Variants in UBE2L3 observed in about 807,000 individuals in gnomAD.
The protein encoded by UBE2L3 is ubiquitin conjugating enzyme E2 L3, also known as ubiquitin-conjugating enzyme E2 L3.
Under a neutral mutation model 17.8 loss-of-function variants are expected in UBE2L3, and 1 was observed. That is an observed-to-expected ratio of 0.06 (90% CI 0.02 to 0.27). The LOEUF is 0.27. Among genes scored for constraint, UBE2L3 ranks in the 10% least tolerant of loss-of-function variants. The pLI, the probability that UBE2L3 is intolerant of heterozygous loss-of-function variation, is 1.00. For synonymous variants in UBE2L3, 44 were observed against 68.5 expected, an observed-to-expected ratio of 0.64 and a Z score of 1.76; for missense variants, 40 against 192.6, an observed-to-expected ratio of 0.21 and a Z score of 4.69.
At chr22:21,605,496 CT>C (rs761564585) in intron 2 of UBE2L3, among the ~76,000 whole-genome samples, 1 of 151,830 alleles carries the variant, frequency 6.6e-6, no homozygotes, top group Non-Finnish European at 1.5e-5. Context: ...GATAGGGTTT[CT>C]TTTTTTTCTT....
intron 1 of UBE2L3, among the ~76,000 whole-genome samples, chr22:21,562,165 G>A (rs1470055670): frequency 2.7e-5 from 4 of 150,588 alleles, no homozygotes; most frequent in African/African-American, 7.3e-5. Context: ...GCTCCTTGGG[G>A]GCAGGTGGTG....
chr22:21,601,888 C>T (rs1269533682), intron 2 of UBE2L3, among the ~76,000 whole-genome samples: 3 of 149,696 alleles, frequency 2.0e-5, no homozygotes, highest in Non-Finnish European at 3.0e-5. Context: ...AGGAGAATGG[C>T]GTGAACCCGG....
intron 2 of UBE2L3, among the ~76,000 whole-genome samples, chr22:21,600,331 AAAAC>A (rs1370153257): frequency 6.6e-6 from 1 of 152,054 alleles, no homozygotes; most frequent in African/African-American, 2.4e-5. Flanking sequence ...AAAACAAAAC[AAAAC>A]AAACAAAAAA....
At chr22:21,585,989 G>A (rs1210537517) in intron 1 of UBE2L3, among the ~76,000 whole-genome samples, 1 of 152,100 alleles carries the variant, frequency 6.6e-6, no homozygotes, top group African/African-American at 2.4e-5. Flanking sequence ...AGGCTGGAGT[G>A]TAGTGGCACC....
Position 21,612,643 on chromosome 22 carries a change from C to CTTTTTTTTTTTTTTTTTTTTTTTT in UBE2L3, c.310+1605_310+1628dup, listed in dbSNP as rs57678378. ...CCCAGCCGATTTTTTCTTTTCTTTT[C>CTTTTTTTTTTTTTTTTTTTTTTTT]TTTTTTTTTTTTTTTTTTTTTTTTT... On this transcript the variant is annotated intron_variant, in intron 3 of 3. Coordinates refer to ENST00000342192, the MANE Select transcript of UBE2L3 (RefSeq NM_003347.4). Among the ~76,000 whole-genome samples, 42 of 52,492 alleles carry CTTTTTTTTTTTTTTTTTTTTTTTT rather than the reference C, an allele frequency of 8.0e-4. 7 individuals are homozygous for CTTTTTTTTTTTTTTTTTTTTTTTT. Among genetic ancestry groups the CTTTTTTTTTTTTTTTTTTTTTTTT allele is most frequent in the Admixed American group, 1.8e-3 (6 of 3,360 alleles). The allele number at this position is 52,492 out of a possible 152,430, so 34.4% of individuals were successfully genotyped here. A position where few individuals can be genotyped will look rare whatever the true frequency, so the allele number is the denominator to read the frequency against.
upstream of UBE2L3, among the ~76,000 whole-genome samples, chr22:21,564,129 G>A (rs4820078): frequency 0.011 from 1,600 of 149,744 alleles, 97 homozygotes; most frequent in Admixed American, 0.095. Flanking sequence ...TCACTCTCCC[G>A]GGCCCAAGTG....
At chr22:21,557,853 T>C (rs1306042559) in intron 1 of UBE2L3, among the ~76,000 whole-genome samples, 1 of 152,234 alleles carries the variant, frequency 6.6e-6, no homozygotes, top group African/African-American at 2.4e-5. Context: ...ATTTATCAGA[T>C]TCGAAGAAGT....
chr22:21,607,265 G>C (rs534597492), intron 2 of UBE2L3, among the ~76,000 whole-genome samples: 1 of 152,104 alleles, frequency 6.6e-6, no homozygotes, highest in East Asian at 1.9e-4. Context: ...CCAACACTTT[G>C]GGAGGCCGAG....
chr22:21,612,983 T>C (rs1929583581), intron 3 of UBE2L3, among the ~76,000 whole-genome samples: 1 of 152,170 alleles, frequency 6.6e-6, no homozygotes. Flanking sequence ...CGAAAACCTA[T>C]AGCTGCATTT....
intron 3 of UBE2L3, among the ~76,000 whole-genome samples, chr22:21,619,472 C>T (rs961891195): frequency 5.9e-5 from 9 of 152,280 alleles, no homozygotes; most frequent in Middle Eastern, 3.4e-3. Context: ...GCATTGCATG[C>T]GCAATGCCCT....
chr22:21,580,071 T>C (rs1927539541), intron 1 of UBE2L3, among the ~76,000 whole-genome samples: 1 of 152,292 alleles, frequency 6.6e-6, no homozygotes, highest in Middle Eastern at 3.4e-3. Context: ...GATGTAAATA[T>C]TGGTCAATAC....
chr22:21,615,817 G>A (rs1301452138), intron 3 of UBE2L3, among the ~76,000 whole-genome samples: 2 of 152,196 alleles, frequency 1.3e-5, no homozygotes, highest in Non-Finnish European at 2.9e-5. Context: ...GTTGAACAGT[G>A]CGATGCCCTG....
At chr22:21,595,968 C>G (rs953770865) in intron 2 of UBE2L3, among the ~76,000 whole-genome samples, 1 of 151,950 alleles carries the variant, frequency 6.6e-6, no homozygotes, top group Admixed American at 6.6e-5. Flanking sequence ...CGGGTTCAAG[C>G]GATTCTCCTG....
At chr22:21,568,308 T>G (rs763132404) in intron 1 of UBE2L3, 345 of 985,604 alleles carry the variant, frequency 3.5e-4, no homozygotes, top group Non-Finnish European at 4.0e-4. Context: ...GTCAGTTTGT[T>G]GGTGGGTCGT....
At chr22:21,562,975 G>T (rs576151952), upstream of UBE2L3, among the ~76,000 whole-genome samples, 1 of 151,812 alleles carries the variant, frequency 6.6e-6, no homozygotes, top group Non-Finnish European at 1.5e-5. Context: ...CAGGCATGGC[G>T]GCTCACGCCT....
rs1345473321 is a variant in UBE2L3, at chr22:21,623,167, A to C, written c.*1498A>C. 1 of 152,220 alleles carries C rather than the reference A, an allele frequency of 6.6e-6. No homozygotes were observed. Among genetic ancestry groups the C allele is most frequent in the African/African-American group, 2.4e-5 (1 of 41,370 alleles). 9.4% of individuals were successfully genotyped at this position (152,220 alleles called of 1,614,324 possible). ...AACTTTGCTTTTTGTTTTAATTTTA[A>C]TTCTATAACTTGAGATCTTTCCGGG... On this transcript the variant is annotated 3_prime_UTR_variant, in exon 4 of 4. Coordinates refer to ENST00000342192, the MANE Select transcript of UBE2L3 (RefSeq NM_003347.4).
chr22:21,579,082 C>G (rs1927484195), intron 1 of UBE2L3, among the ~76,000 whole-genome samples: 1 of 150,906 alleles, frequency 6.6e-6, no homozygotes, highest in African/African-American at 2.4e-5. Context: ...CCTCTGCCTA[C>G]CAGGTTCACG....
intron 2 of UBE2L3, among the ~76,000 whole-genome samples, chr22:21,598,283 T>G (rs1461679860): frequency 4.0e-5 from 6 of 151,420 alleles, no homozygotes; most frequent in Non-Finnish European, 8.8e-5. Flanking sequence ...CCTTAAAATA[T>G]CCAGTTAGAT....
At chr22:21,587,526 G>T (rs767035858) in intron 1 of UBE2L3, among the ~76,000 whole-genome samples, 14 of 152,184 alleles carry the variant, frequency 9.2e-5, no homozygotes, top group Non-Finnish European at 1.8e-4. Context: ...ACCTGGCCTT[G>T]TGTGAGGGTT....
Sources: gnomAD v4.1 joint callset for allele counts (sites outside exome capture counted in the v4.1 genomes callset) on GRCh38, gnomAD v4.1.1 for gene constraint, MANE v1.5 for transcripts, NCBI Gene and HGNC (gene_info 2026-07-23, HGNC 2026-07-21) for gene names.